The following DHX36 variants were observed in gnomAD, a reference collection of about 807,000 sequenced individuals.
The protein encoded by DHX36 is ATP-dependent DNA/RNA helicase DHX36.
A neutral mutation model predicts 139.0 loss-of-function variants in DHX36; 50 were observed. The ratio of observed to expected loss-of-function variants is 0.36; its 90% CI spans 0.29 to 0.46. The LOEUF (loss-of-function observed/expected upper bound fraction) is 0.46, where lower values mean the gene tolerates loss of function less well. Among genes scored for constraint, DHX36 ranks in the 20% least tolerant of loss-of-function variants. The probability of loss-of-function intolerance (pLI) is 1.00; values close to 1 mark genes in which losing one functional copy is unlikely to be tolerated. For missense variants in DHX36, 1,024 were observed against 1,211.3 expected (o/e 0.85, Z 2.29); for synonymous variants, 425 against 401.9 (o/e 1.06, Z -0.69).
At chr3:154,301,953 C>A (rs1041171191) in intron 9 of DHX36, among the ~76,000 whole-genome samples, 1 of 151,796 alleles carries the variant, frequency 6.6e-6, no homozygotes, top group East Asian at 1.9e-4. Context: ...CCCTCCTCTG[C>A]TACTGACTAG....
At position 154,300,033 on chromosome 3, in the gene DHX36, T is replaced by A. The variant is rs950418072; in HGVS notation, c.1462-108A>T. 5.7e-6 allele frequency: 4 copies of A among 704,408 alleles called. No individual in the cohort carries two copies. In the African/African-American group the frequency reaches 7.3e-5, roughly 13 times the overall value. 43.6% of individuals were successfully genotyped at this position (704,408 alleles called of 1,614,324 possible). A position where few individuals can be genotyped will look rare whatever the true frequency, so the allele number is the denominator to read the frequency against. On this transcript the variant is annotated intron_variant, in intron 11 of 24. Coordinates refer to ENST00000496811, the MANE Select transcript of DHX36 (RefSeq NM_020865.3). ...CCATTAAAATTATACTAGCTCAGGATAATTTTCGTTAATAATTAAAAGTAT... is the reference window on the plus strand; with the variant it reads ...CCATTAAAATTATACTAGCTCAGGAAAATTTTCGTTAATAATTAAAAGTAT...
rs1711665578 is a variant in DHX36, at chr3:154,288,870, T to C, written c.2027A>G (p.Glu676Gly). The change falls in exon 17 of 25, where the codon GAG becomes GGG. Residue 676 changes from glutamate (E) to glycine (G), a missense_variant. Glu to Gly is a moderately conservative substitution (Grantham distance 98). Coordinates refer to ENST00000496811, the MANE Select transcript of DHX36 (RefSeq NM_020865.3). The stretch of plus-strand genomic sequence containing the variant: ...AAAACAAGAAAACAAATTTACCAGC[T>C]CCATCAGGTGTCTTATGGAGAGTAA... ...AVLLSIRHLM[E>G]LNALDKQEEL... The C allele has an allele frequency of 6.5e-7, 1 of 1,537,620 alleles. No individual in the cohort carries two copies. Among genetic ancestry groups the C allele is most frequent in the Non-Finnish European group, 8.8e-7 (1 of 1,140,640 alleles).
chr3:154,315,114 T>G lies in DHX36; in HGVS notation c.535A>C (p.Thr179Pro), dbSNP rs1559959664. The change falls in exon 3 of 25, where the codon ACT (threonine) becomes CCT (proline). Residue 179 changes from threonine to proline, a missense_variant. Coordinates refer to ENST00000496811, the MANE Select transcript of DHX36 (RefSeq NM_020865.3). ...YLLQENEPDG[T>P]LDQKLLEDLQ... ...TCTTCCAATAATTTTTGGTCTAAAG[T>G]TCCATCTGGTTCATTTTCTTGCAAG... 1 of 1,613,530 alleles carries G rather than the reference T, an allele frequency of 6.2e-7. No individual in the cohort carries two copies. The highest frequency in any genetic ancestry group is 1.1e-5 in the South Asian group (1 of 90,958).
intron 9 of DHX36, among the ~76,000 whole-genome samples, chr3:154,301,540 G>A (rs1712279723): frequency 6.6e-6 from 1 of 152,130 alleles, no homozygotes; most frequent in South Asian, 2.1e-4. Context: ...TTTGGATTTG[G>A]TAGGTATGCC....
At position 154,273,355 on chromosome 3, in the gene DHX36, A is replaced by G; in HGVS notation, c.*2816T>C. On this transcript the variant is annotated 3_prime_UTR_variant, in exon 25 of 25. Transcript: ENST00000496811. The stretch of plus-strand genomic sequence containing the variant: ...TCTCTGTGAATGCCTCATCAATTAA[A>G]TAATTCCTCAGGAACATTTTCCCCA... The G allele has an allele frequency of 6.6e-6, 1 of 152,232 alleles. No homozygotes were observed. The highest frequency in any genetic ancestry group is 2.4e-5 in the African/African-American group (1 of 41,464). 9.4% of individuals were successfully genotyped at this position (152,232 alleles called of 1,614,324 possible). A position where few individuals can be genotyped will look rare whatever the true frequency, so the allele number is the denominator to read the frequency against.
intron 9 of DHX36, among the ~76,000 whole-genome samples, chr3:154,302,546 G>A (rs1015309639): frequency 3.9e-5 from 6 of 152,138 alleles, no homozygotes; most frequent in African/African-American, 9.7e-5. Context: ...GTCAGGAGAA[G>A]CTTCAGTTCT....
At chr3:154,320,823 T>A (rs1481578232) in intron 1 of DHX36, among the ~76,000 whole-genome samples, 1 of 152,212 alleles carries the variant, frequency 6.6e-6, no homozygotes. Context: ...CCTTAGTTAC[T>A]GCAAGGGCTA....
At chr3:154,317,920 T>C (rs1713046163) in intron 1 of DHX36, among the ~76,000 whole-genome samples, 1 of 152,100 alleles carries the variant, frequency 6.6e-6, no homozygotes, top group Non-Finnish European at 1.5e-5. Flanking sequence ...CCTTACTCTG[T>C]ACAGTGCAAC....
intron 4 of DHX36, among the ~76,000 whole-genome samples, chr3:154,310,823 A>ATATATATATATG (rs1559957731): frequency 1.6e-4 from 4 of 25,114 alleles, no homozygotes; most frequent in African/African-American, 3.9e-4. Context: ...ATATATATAT[A>ATATATATATATG]TATATATATA....
intron 14 of DHX36, 88 bp downstream of exon 14, chr3:154,293,660 T>C (rs891381260): frequency 8.5e-6 from 8 of 943,042 alleles, no homozygotes; most frequent in Non-Finnish European, 1.3e-5. Flanking sequence ...AGGTATATGG[T>C]AGAGAAAAAA....
chr3:154,277,099 TTTTTTA>T (rs1559942844), intron 23 of DHX36, among the ~76,000 whole-genome samples, 200 bp from the exon 24 acceptor site: 1 of 152,196 alleles, frequency 6.6e-6, no homozygotes, highest in Non-Finnish European at 1.5e-5. Context: ...TATTTTAATA[TTTTTTA>T]GTTTAAACTA....
intron 8 of DHX36, among the ~76,000 whole-genome samples, chr3:154,303,710 A>G (rs1273179668): frequency 1.3e-5 from 2 of 152,192 alleles, no homozygotes; most frequent in Non-Finnish European, 2.9e-5. Flanking sequence ...TTAGAAGTCT[A>G]TTTTCTCTTC....
At chr3:154,291,772 G>C (rs1711824812) in intron 15 of DHX36, among the ~76,000 whole-genome samples, 1 of 152,118 alleles carries the variant, frequency 6.6e-6, no homozygotes, top group African/African-American at 2.4e-5. Flanking sequence ...CTATCTGTAA[G>C]AGGCAAAAGA....
rs1436602308 is a variant in DHX36, at chr3:154,299,911, C to T, written c.1476G>A (p.Leu492=). The T allele has an allele frequency of 1.2e-6, 2 of 1,612,124 alleles. No individual in the cohort carries two copies. Among genetic ancestry groups the T allele is most frequent in the Non-Finnish European group, 8.5e-7 (1 of 1,178,420 alleles). ...TATTGTCCCAGCCTGGCAGAAAGACCAGTATCGCACCATCCTATATGAAGG... is the reference window on the plus strand; with the variant it reads ...TATTGTCCCAGCCTGGCAGAAAGACTAGTATCGCACCATCCTATATGAAGG... ...IVLEEEDGAI[L]VFLPGWDNIS... The change falls in exon 12 of 25, where the codon CTG becomes CTA. Residue 492 remains leucine (L), a synonymous_variant. Transcript: ENST00000496811.
chr3:154,287,647 T>C (rs1711593013), intron 17 of DHX36, among the ~76,000 whole-genome samples: 1 of 151,340 alleles, frequency 6.6e-6, no homozygotes, highest in African/African-American at 2.4e-5. Context: ...CGTGACAGAG[T>C]GAGACTCTCT....
At position 154,276,751 on chromosome 3, in the gene DHX36, A is replaced by G; in HGVS notation, c.2837T>C (p.Val946Ala). 6.2e-7 allele frequency: 1 copy of G among 1,613,766 alleles called. No homozygotes were observed. Among genetic ancestry groups the G allele is most frequent in the Non-Finnish European group, 8.5e-7 (1 of 1,179,828 alleles). ...TAATCACATAAAGTCAGTCACCTTA[A>G]CAAGATGGGCAATTCTTGCTGGAGA... Reference protein sequence around the residue: ...FQSPARIAHLVKELRKELDIL... With the variant: ...FQSPARIAHLAKELRKELDIL... The change falls in exon 24 of 25, where the codon GTT (valine) becomes GCT (alanine). Residue 946 changes from valine (V) to alanine (A), a missense_variant. Physicochemically the swap from Val to Ala is moderately conservative, Grantham distance 64. Around this residue, in one of 4 missense-constraint regions of DHX36, gnomAD observed 470 missense variants for 616.2 expected, o/e 0.76. Coordinates refer to ENST00000496811, the MANE Select transcript of DHX36 (RefSeq NM_020865.3).
chr3:154,296,334 C>T (rs532052013), intron 12 of DHX36, among the ~76,000 whole-genome samples: 3 of 152,108 alleles, frequency 2.0e-5, no homozygotes, highest in Admixed American at 2.0e-4. Flanking sequence ...CTTAGCTGGG[C>T]GTGTTGGCGG....
At chr3:154,315,353 C>G (rs1219544976) in intron 2 of DHX36, 73 bp from the exon 3 acceptor site, 4 of 1,032,862 alleles carry the variant, frequency 3.9e-6, no homozygotes, top group Non-Finnish European at 5.7e-6. Flanking sequence ...CAAAACAAAA[C>G]AATACGCTGT....
At chr3:154,296,491 T>C (rs985177397) in intron 12 of DHX36, among the ~76,000 whole-genome samples, 11 of 151,700 alleles carry the variant, frequency 7.3e-5, no homozygotes, top group African/African-American at 2.7e-4. Flanking sequence ...ATAATAATAA[T>C]AATAATAATA....
Sources: allele counts gnomAD v4.1 joint callset (sites outside exome capture counted in the v4.1 genomes callset), GRCh38; gene constraint gnomAD v4.1.1; regional missense constraint gnomAD v4.1.1; transcripts MANE v1.5; gene names NCBI Gene and HGNC (gene_info 2026-07-23, HGNC 2026-07-21).